The following LDLRAD3 variants were observed in gnomAD, a reference collection of about 807,000 sequenced individuals.
LDLRAD3 encodes low density lipoprotein receptor class A domain containing 3.
In LDLRAD3, 20 loss-of-function variants were observed where a neutral mutation model predicts 29.4. That is an observed-to-expected ratio of 0.68 (90% CI 0.48 to 0.99). The LOEUF is 0.99. Among genes scored for constraint, LDLRAD3 ranks in the 50% least tolerant of loss-of-function variants. The pLI, the probability that LDLRAD3 is intolerant of heterozygous loss-of-function variation, is 0.00. For missense variants in LDLRAD3, 420 were observed against 454.3 expected (o/e 0.92, Z 0.69); for synonymous variants, 157 against 192.7 (o/e 0.81, Z 1.53).
chr11:36,067,896 T>C (rs552414117), intron 2 of LDLRAD3, among the ~76,000 whole-genome samples: 24 of 152,272 alleles, frequency 1.6e-4, no homozygotes, highest in Admixed American at 1.0e-3. Context: ...TCTTGAACTC[T>C]GAGTTCAAGC....
chr11:36,224,238 G>A (rs536664032), intron 4 of LDLRAD3, among the ~76,000 whole-genome samples: 4 of 152,030 alleles, frequency 2.6e-5, no homozygotes, highest in East Asian at 1.9e-4. Flanking sequence ...AGGGAGACAC[G>A]GATACTGTTG....
intron 4 of LDLRAD3, among the ~76,000 whole-genome samples, chr11:36,191,151 C>T (rs887563850): frequency 3.9e-5 from 6 of 152,140 alleles, no homozygotes; most frequent in African/African-American, 1.2e-4. Context: ...GAAGGGCCAT[C>T]ACAGGGTGGC....
chr11:36,130,704 C>G (rs967814318), intron 4 of LDLRAD3, among the ~76,000 whole-genome samples: 1 of 152,186 alleles, frequency 6.6e-6, no homozygotes, highest in African/African-American at 2.4e-5. Flanking sequence ...AATGTTAGGT[C>G]CTTCTTACAG....
At chr11:36,073,583 T>G (rs1178412282) in intron 2 of LDLRAD3, among the ~76,000 whole-genome samples, 1 of 152,248 alleles carries the variant, frequency 6.6e-6, no homozygotes, top group Non-Finnish European at 1.5e-5. Context: ...TTGTCTGGGA[T>G]AGGCTTCTCT....
chr11:36,102,787 G>A (rs1163913314), intron 4 of LDLRAD3, among the ~76,000 whole-genome samples: 2 of 152,158 alleles, frequency 1.3e-5, no homozygotes, highest in East Asian at 1.9e-4. Flanking sequence ...TCTGTGGGAG[G>A]GACACATCTG....
chr11:35,999,270 G>A (rs141563807), intron 1 of LDLRAD3, among the ~76,000 whole-genome samples: 2 of 152,286 alleles, frequency 1.3e-5, no homozygotes, highest in African/African-American at 4.8e-5. Context: ...TAAAAGAGGT[G>A]CAGGAAAGTG....
intron 1 of LDLRAD3, among the ~76,000 whole-genome samples, chr11:36,018,240 C>A (rs1205729023): frequency 1.3e-5 from 2 of 152,092 alleles, no homozygotes; most frequent in Non-Finnish European, 2.9e-5. Context: ...ATCCCTTCAC[C>A]CAAGCTTCAT....
intron 4 of LDLRAD3, among the ~76,000 whole-genome samples, chr11:36,110,862 T>C (rs1275313295): frequency 6.6e-6 from 1 of 152,112 alleles, no homozygotes; most frequent in African/African-American, 2.4e-5. Context: ...CAGTTTTTCC[T>C]AGGGGGATAT....
chr11:36,089,635 C>T (rs934356108), intron 3 of LDLRAD3, among the ~76,000 whole-genome samples: 5 of 152,150 alleles, frequency 3.3e-5, no homozygotes, highest in South Asian at 2.1e-4. Flanking sequence ...GGGTCTTACT[C>T]TGTTGCCCAG....
At chr11:36,070,372 G>T (rs1242605366) in intron 2 of LDLRAD3, among the ~76,000 whole-genome samples, 3 of 152,226 alleles carry the variant, frequency 2.0e-5, no homozygotes, top group South Asian at 2.1e-4. Flanking sequence ...TGTGTGTGAA[G>T]CAGAATTTGT....
At chr11:36,116,989 G>A (rs11033436) in intron 4 of LDLRAD3, among the ~76,000 whole-genome samples, 49,191 of 151,628 alleles carry the variant, frequency 0.32, 9,607 homozygotes, top group Non-Finnish European at 0.43. Context: ...CTACAGGCGC[G>A]AGCTGCCATG....
intron 2 of LDLRAD3, among the ~76,000 whole-genome samples, chr11:36,070,238 A>G (rs1012400040): frequency 4.6e-5 from 7 of 152,166 alleles, no homozygotes; most frequent in Non-Finnish European, 1.0e-4. Flanking sequence ...CTTTAATCCT[A>G]TTTTCTGTTG....
chr11:36,025,234 A>G (rs1852148349), intron 1 of LDLRAD3, among the ~76,000 whole-genome samples: 1 of 152,108 alleles, frequency 6.6e-6, no homozygotes, highest in African/African-American at 2.4e-5. Flanking sequence ...TTTTTTTCCT[A>G]AAATATTAGT....
chr11:36,107,840 G>A (rs557733122), intron 4 of LDLRAD3, among the ~76,000 whole-genome samples: 28 of 152,262 alleles, frequency 1.8e-4, no homozygotes, highest in African/African-American at 5.3e-4. Context: ...GTTAAGCAAC[G>A]CATGACTGTA....
Position 35,954,661 on chromosome 11 carries a change from C to T in LDLRAD3, c.46+10517C>T, listed in dbSNP as rs1023451165. Among the ~76,000 whole-genome samples the T allele has an allele frequency of 5.3e-5, 8 of 152,158 alleles. No individual in the cohort carries two copies. The South Asian group carries it at 6.2e-4, about 12-fold the overall frequency. Reference sequence around the variant, plus strand: ...CTTTTGGTGAAAATTGCTTCTCCTTCGCTGGAGTTTAGAACAGTCTCATTG... The same window carrying T: ...CTTTTGGTGAAAATTGCTTCTCCTTTGCTGGAGTTTAGAACAGTCTCATTG... On this transcript the variant is annotated intron_variant, in intron 1 of 5. Coordinates refer to ENST00000315571, the MANE Select transcript of LDLRAD3 (RefSeq NM_174902.4).
intron 4 of LDLRAD3, among the ~76,000 whole-genome samples, chr11:36,165,658 A>G (rs1854502564): frequency 6.6e-6 from 1 of 152,082 alleles, no homozygotes; most frequent in Non-Finnish European, 1.5e-5. Flanking sequence ...TGCATAGTTC[A>G]TTGGAAATTC....
intron 4 of LDLRAD3, among the ~76,000 whole-genome samples, chr11:36,175,871 C>G (rs1854668665): frequency 6.6e-6 from 1 of 152,170 alleles, no homozygotes; most frequent in Non-Finnish European, 1.5e-5. Context: ...TGCTGACTTT[C>G]TGTCTTGACT....
intron 1 of LDLRAD3, among the ~76,000 whole-genome samples, chr11:36,032,098 T>G (rs946939113): frequency 6.6e-6 from 1 of 152,208 alleles, no homozygotes; most frequent in Non-Finnish European, 1.5e-5. Flanking sequence ...TCATATGGAA[T>G]TAGGGCCCAC....
chr11:36,089,703 G>A (rs1265005631), intron 3 of LDLRAD3, among the ~76,000 whole-genome samples: 1 of 151,832 alleles, frequency 6.6e-6, no homozygotes, highest in East Asian at 1.9e-4. Context: ...GGGTTCAATT[G>A]ATACTCCCAT....
Sources: allele counts gnomAD v4.1 joint callset (sites outside exome capture counted in the v4.1 genomes callset), GRCh38; gene constraint gnomAD v4.1.1; transcripts MANE v1.5; gene names NCBI Gene and HGNC (gene_info 2026-07-23, HGNC 2026-07-21).